The following TMOD3 variants were observed in gnomAD, a reference collection of about 807,000 sequenced individuals.
TMOD3 encodes the protein tropomodulin-3.
A neutral mutation model predicts 39.2 loss-of-function variants in TMOD3; 20 were observed. That is an observed-to-expected ratio of 0.51 (90% CI 0.36 to 0.74). The LOEUF (loss-of-function observed/expected upper bound fraction) is 0.74. Among genes scored for constraint, TMOD3 ranks in the 30% least tolerant of loss-of-function variants. The pLI is 0.00. For missense variants in TMOD3, 381 were observed against 412.8 expected (o/e 0.92, Z 0.67); for synonymous variants, 143 against 145.8 (o/e 0.98, Z 0.14).
intron 4 of TMOD3, among the ~76,000 whole-genome samples, chr15:51,888,690 T>C (rs1362321445): frequency 6.6e-6 from 1 of 152,218 alleles, no homozygotes; most frequent in Non-Finnish European, 1.5e-5. Context: ...AAAAATCTGC[T>C]TTTTGTCATA....
intron 1 of TMOD3, among the ~76,000 whole-genome samples, chr15:51,850,714 G>C (rs1200176934): frequency 6.6e-6 from 1 of 152,060 alleles, no homozygotes; most frequent in African/African-American, 2.4e-5. Context: ...CTGGTGAGGA[G>C]TAGGAAGAGT....
rs1286307761 is a variant in TMOD3, at chr15:51,915,003, T to TA, written c.*6194dup. On this transcript the variant is annotated 3_prime_UTR_variant, in exon 10 of 10. Transcript: ENST00000308580. ...CCTCGGCCTCCCAAAGTGCTGGGAT[T>TA]ACAGGTGTTTGCCACCGCGCCCAGC... is the stretch of plus-strand genomic sequence containing the variant. 1 of 152,152 alleles carries TA rather than the reference T, an allele frequency of 6.6e-6. No individual in the cohort carries two copies. Among genetic ancestry groups the TA allele is most frequent in the African/African-American group, 2.4e-5 (1 of 41,444 alleles). The allele number at this position is 152,152 out of a possible 1,614,324, so 9.4% of individuals were successfully genotyped here. A position where few individuals can be genotyped will look rare whatever the true frequency, so the allele number is the denominator to read the frequency against.
Position 51,900,151 on chromosome 15 carries a change from C to A in TMOD3, c.736-4C>A, listed in dbSNP as rs1418295934. The A allele has an allele frequency of 5.6e-6, 9 of 1,613,636 alleles. No individual in the cohort carries two copies. The highest frequency in any genetic ancestry group is 7.6e-6 in the Non-Finnish European group (9 of 1,179,856). ...AATCTCTTAATATTTTCTCTAATTT[C>A]TAGGCTTTTGCAGAAATGCTGAAAG... is the stretch of plus-strand genomic sequence containing the variant. On this transcript the variant is annotated splice_region_variant and splice_polypyrimidine_tract_variant and intron_variant, in intron 7 of 9. Transcript: ENST00000308580.
rs746136136 is a variant in TMOD3, at chr15:51,901,955, A to G, written c.943A>G (p.Ile315Val). The change falls in exon 9 of 10, where the codon ATC (isoleucine) becomes GTC (valine). Residue 315 changes from isoleucine (I) to valine (V), a missense_variant. Transcript: ENST00000308580. ...CAAGATGCTTGAGGAAAATACAAAT[A>G]TCCTTAAATTTGGATATCAGTTTAC... ...MAKMLEENTN[I>V]LKFGYQFTQQ... The G allele has an allele frequency of 6.2e-7, 1 of 1,614,156 alleles. No homozygotes were observed. Among genetic ancestry groups the G allele is most frequent in the African/African-American group, 1.3e-5 (1 of 75,044 alleles).
intron 9 of TMOD3, among the ~76,000 whole-genome samples, chr15:51,906,458 C>T (rs1420149635): frequency 1.3e-5 from 2 of 152,160 alleles, no homozygotes; most frequent in Non-Finnish European, 2.9e-5. Flanking sequence ...ATAATTCTAC[C>T]TGCTCTCCAT....
In TMOD3 at chr15:51,912,932, C is replaced by T. The variant is rs1204499122; in HGVS notation, c.*4122C>T. 6.6e-6 allele frequency: 1 copy of T among 152,170 alleles called. No homozygotes were observed. The highest frequency in any genetic ancestry group is 1.5e-5 in the Non-Finnish European group (1 of 68,026). 9.4% of individuals were successfully genotyped at this position (152,170 alleles called of 1,614,324 possible). On this transcript the variant is annotated 3_prime_UTR_variant, in exon 10 of 10. Coordinates refer to ENST00000308580, the MANE Select transcript of TMOD3 (RefSeq NM_014547.5). Reference sequence around the variant, plus strand: ...ACCAACAAATCAAAGAAACGCTTCACTAATTATTTTTAAATTGAGAAAATA... The same window carrying T: ...ACCAACAAATCAAAGAAACGCTTCATTAATTATTTTTAAATTGAGAAAATA...
chr15:51,890,983 T>C (rs2056590044), intron 5 of TMOD3, among the ~76,000 whole-genome samples: 1 of 152,226 alleles, frequency 6.6e-6, no homozygotes, highest in African/African-American at 2.4e-5. Flanking sequence ...TTCATTTGTA[T>C]TACATACCTA....
rs575136081 is a variant in TMOD3, at chr15:51,870,722, T to C, written c.283+1349T>C. Among the ~76,000 whole-genome samples the C allele has an allele frequency of 6.6e-5, 10 of 152,224 alleles. 1 individual carries two copies. The highest frequency in any genetic ancestry group is 1.5e-4 in the Non-Finnish European group (10 of 68,036). On this transcript the variant is annotated intron_variant, in intron 3 of 9. Coordinates refer to ENST00000308580, the MANE Select transcript of TMOD3 (RefSeq NM_014547.5). ...CTTTTTCTTTAGAGTCCTCTTCCTC[T>C]TCATCTCTTGTTAAGGATCACTATC...
At chr15:51,896,655 C>CCTG in intron 7 of TMOD3, 129 bp downstream of exon 7, 1 of 561,136 alleles carries the variant, frequency 1.8e-6, no homozygotes, top group East Asian at 2.9e-5. Flanking sequence ...CAGTATATTA[C>CCTG]TTACCAGCTT....
intron 4 of TMOD3, among the ~76,000 whole-genome samples, chr15:51,888,847 G>A (rs986727872): frequency 6.6e-6 from 1 of 152,120 alleles, no homozygotes; most frequent in Non-Finnish European, 1.5e-5. Flanking sequence ...GTGGGGAAAT[G>A]TAAATTTAGA....
intron 1 of TMOD3, among the ~76,000 whole-genome samples, chr15:51,849,642 C>G (rs569230599): frequency 2.0e-5 from 3 of 152,072 alleles, no homozygotes; most frequent in Non-Finnish European, 4.4e-5. Flanking sequence ...TAATAGGTCT[C>G]TTAAGATGTG....
chr15:51,863,241 T>A (rs1406230191), intron 2 of TMOD3, among the ~76,000 whole-genome samples: 1 of 152,220 alleles, frequency 6.6e-6, no homozygotes, highest in East Asian at 1.9e-4. Context: ...AAACATCTCC[T>A]GAAATTTTTT....
intron 1 of TMOD3, chr15:51,860,549 C>A (rs1243333130): frequency 8.6e-6 from 5 of 578,106 alleles, no homozygotes; most frequent in Admixed American, 1.9e-5. Context: ...ATTTGGCTGC[C>A]ATAATCCACA....
chr15:51,905,435 C>T (rs528841049), intron 9 of TMOD3, among the ~76,000 whole-genome samples: 9 of 151,298 alleles, frequency 5.9e-5, no homozygotes, highest in Admixed American at 2.6e-4. Context: ...TGCAGTGAGC[C>T]GAGATTGCAC....
Position 51,889,054 on chromosome 15 carries a change from A to T in TMOD3, c.407-2A>T. ...AAAAACTTTCTTTTTCTGTATTTATAGCAATTCTTGGGATGCACAATTTGA... is the reference window on the plus strand; with the variant it reads ...AAAAACTTTCTTTTTCTGTATTTATTGCAATTCTTGGGATGCACAATTTGA... On this transcript the variant is annotated splice_acceptor_variant, in intron 4 of 9. Coordinates refer to ENST00000308580, the MANE Select transcript of TMOD3 (RefSeq NM_014547.5). LOFTEE classifies it high-confidence loss of function. 6.4e-7 allele frequency: 1 copy of T among 1,564,808 alleles called. No homozygotes were observed. Among genetic ancestry groups the T allele is most frequent in the Non-Finnish European group, 8.6e-7 (1 of 1,157,332 alleles).
At chr15:51,905,403 G>T (rs1781429554) in intron 9 of TMOD3, among the ~76,000 whole-genome samples, 2 of 151,668 alleles carry the variant, frequency 1.3e-5, no homozygotes, top group Admixed American at 1.3e-4. Flanking sequence ...ATGAGAATTG[G>T]TTGAACCCAG....
At chr15:51,887,758 G>A in intron 4 of TMOD3, 47 bp downstream of exon 4, 1 of 1,610,794 alleles carries the variant, frequency 6.2e-7, no homozygotes, top group Non-Finnish European at 8.5e-7. Flanking sequence ...GGGGTGGAGT[G>A]GGAAATACCA....
At chr15:51,903,538 T>A (rs1195414567) in intron 9 of TMOD3, among the ~76,000 whole-genome samples, 1 of 152,242 alleles carries the variant, frequency 6.6e-6, no homozygotes, top group South Asian at 2.1e-4. Flanking sequence ...GCTCAAACTC[T>A]TTCTGTCCTT....
chr15:51,861,339 C>G, intron 1 of TMOD3: 1 of 221,014 alleles, frequency 4.5e-6, no homozygotes, highest in Non-Finnish European at 9.4e-6. Context: ...ACCGCGAACA[C>G]GTGCAGGAAG....
Sources: allele counts gnomAD v4.1 joint callset (sites outside exome capture counted in the v4.1 genomes callset), GRCh38; gene constraint gnomAD v4.1.1; transcripts MANE v1.5; gene names NCBI Gene and HGNC (gene_info 2026-07-23, HGNC 2026-07-21).